Variants in DMD observed in about 807,000 individuals in gnomAD.
DMD encodes mutant dystrophin.
A neutral mutation model predicts 330.1 loss-of-function variants in DMD; 63 were observed. That is an observed-to-expected ratio of 0.19 (90% CI 0.16 to 0.24). The LOEUF is 0.24. Ranked by LOEUF, DMD falls within the 10% of genes least tolerant of loss-of-function variation. The pLI is 1.00. For synonymous variants in DMD, 1,223 were observed against 959.8 expected (o/e 1.27, Z -5.07); for missense variants, 3,344 against 2,684.1 (o/e 1.25, Z -5.43).
At chrX:32,664,238 GTTT>G (rs59135933) in intron 9 of DMD, among the ~76,000 whole-genome samples, 1,406 of 86,835 alleles carry the variant, frequency 0.016, 35 homozygotes, top group African/African-American at 0.059. Context: ...CCTGGCATAG[GTTT>G]TTTTTTTTTT....
intron 11 of DMD, among the ~76,000 whole-genome samples, chrX:32,614,915 C>A (rs1191637952): frequency 1.8e-5 from 2 of 110,259 alleles, no homozygotes; most frequent in Non-Finnish European, 3.8e-5. Context: ...TAACTGACAC[C>A]ACACCAATTC....
intron 4 of DMD, among the ~76,000 whole-genome samples, chrX:32,841,351 AAATGG>A (rs1360937355): frequency 8.9e-6 from 1 of 112,197 alleles, no homozygotes; most frequent in Admixed American, 9.5e-5. Flanking sequence ...ATGTACATGT[AAATGG>A]AAAAGATTAC....
chrX:32,688,185 C>A (rs2063019056), intron 9 of DMD, among the ~76,000 whole-genome samples: 1 of 110,669 alleles, frequency 9.0e-6, no homozygotes, highest in African/African-American at 3.3e-5. Context: ...ACCGACAAAT[C>A]CCATAAAATG....
At chrX:31,750,311 T>C (rs1355989101) in intron 51 of DMD, among the ~76,000 whole-genome samples, 4 of 106,431 alleles carry the variant, frequency 3.8e-5, no homozygotes, top group African/African-American at 1.4e-4. Flanking sequence ...CATCTTGAAT[T>C]GATTTTTGTA....
chrX:31,438,088 T>C (rs749169538), intron 60 of DMD, among the ~76,000 whole-genome samples: 3 of 110,122 alleles, frequency 2.7e-5, no homozygotes, highest in African/African-American at 9.9e-5. Flanking sequence ...ACAGTTTCCC[T>C]TCATCCTCCA....
In DMD at chrX:31,554,893, A is replaced by C. The variant is rs2074711474; in HGVS notation, c.8218-47440T>G. The stretch of plus-strand genomic sequence containing the variant: ...TGAAGTAGCACATTGAAGGTGCAGG[A>C]GATCCGGTTTGGGATGTTCAGGAAT... On this transcript the variant is annotated intron_variant, in intron 55 of 78. Transcript: ENST00000357033. Among the ~76,000 whole-genome samples the C allele has an allele frequency of 2.7e-5, 3 of 111,991 alleles. No homozygotes were observed. The South Asian group carries it at 1.1e-3, about 42-fold the overall frequency.
At chrX:33,295,716 G>A (rs750077949) in intron 1 of DMD, among the ~76,000 whole-genome samples, 1 of 111,067 alleles carries the variant, frequency 9.0e-6, no homozygotes, top group Non-Finnish European at 1.9e-5. Flanking sequence ...TGACAATTGC[G>A]GTGTGCAATA....
At chrX:33,070,673 CTATATATATATATATATA>C (rs59422325) in intron 1 of DMD, among the ~76,000 whole-genome samples, 375 of 35,657 alleles carry the variant, frequency 0.011, 6 homozygotes, top group African/African-American at 0.046. Context: ...CTCTCTCTCT[CTATATATATATATATATA>C]TATATATATA....
At position 32,342,221 on chromosome X, in the gene DMD, T is replaced by A. The variant is rs878854620; in HGVS notation, c.5801A>T (p.Glu1934Val). The change falls in exon 41 of 79, where the codon GAG becomes GTG. Residue 1934 changes from glutamate to valine, a missense_variant. By Grantham distance (121) the Glu-to-Val change is moderately radical. Transcript: ENST00000357033. ...TGCGGCCCCATCCTCAGACAAGCCC[T>A]CAGCTTGCCTACGCACTGCATTCAG... ...EELNAVRRQA[E>V]GLSEDGAAMA... The A allele has an allele frequency of 6.6e-6, 8 of 1,211,426 alleles. No homozygotes were observed. The highest frequency in any genetic ancestry group is 7.8e-6 in the Non-Finnish European group (7 of 895,332).
At chrX:31,438,515 A>G (rs2064705213) in intron 60 of DMD, among the ~76,000 whole-genome samples, 1 of 112,101 alleles carries the variant, frequency 8.9e-6, no homozygotes, top group East Asian at 2.8e-4. Flanking sequence ...CCACTAATGT[A>G]GGAAAACATA....
At chrX:32,238,611 A>T (rs180949816) in intron 43 of DMD, among the ~76,000 whole-genome samples, 1 of 112,275 alleles carries the variant, frequency 8.9e-6, no homozygotes, top group Admixed American at 9.4e-5. Flanking sequence ...TGACAGGGAC[A>T]TTTAGCTGTA....
chrX:31,554,842 T>C (rs964502184), intron 55 of DMD, among the ~76,000 whole-genome samples: 1 of 111,747 alleles, frequency 8.9e-6, no homozygotes, highest in African/African-American at 3.3e-5. Context: ...TGAAATACCA[T>C]ATGGCAAAGG....
intron 44 of DMD, among the ~76,000 whole-genome samples, chrX:32,095,375 T>G (rs2096498352): frequency 8.9e-6 from 1 of 111,943 alleles, no homozygotes; most frequent in South Asian, 3.7e-4. Flanking sequence ...CAAGTTTTCA[T>G]TGATAAAATT....
chrX:31,530,647 CTTT>C (rs1192286078), intron 55 of DMD, among the ~76,000 whole-genome samples: 2 of 49,845 alleles, frequency 4.0e-5, no homozygotes, highest in Admixed American at 2.6e-4. Context: ...ACTGGTTTCT[CTTT>C]TTTTTTTTTT....
At chrX:32,487,014 C>A (rs2042548447) in intron 20 of DMD, among the ~76,000 whole-genome samples, 1 of 111,005 alleles carries the variant, frequency 9.0e-6, no homozygotes. Flanking sequence ...TCTAATTAAA[C>A]TAAAGAGCTT....
At chrX:32,680,072 C>T (rs1754974129) in intron 9 of DMD, among the ~76,000 whole-genome samples, 1 of 107,360 alleles carries the variant, frequency 9.3e-6, no homozygotes, top group African/African-American at 3.4e-5. Context: ...TGCCACCACA[C>T]CTGGCTGATT....
At chrX:32,581,414 G>A (rs1415360216) in intron 13 of DMD, among the ~76,000 whole-genome samples, 1 of 111,705 alleles carries the variant, frequency 9.0e-6, no homozygotes, top group Non-Finnish European at 1.9e-5. Flanking sequence ...TCTCTAGAGA[G>A]GTTAGAAATT....
intron 2 of DMD, among the ~76,000 whole-genome samples, chrX:32,963,489 G>T (rs1415149305): frequency 8.9e-6 from 1 of 111,974 alleles, no homozygotes; most frequent in Non-Finnish European, 1.9e-5. Context: ...TTACAGTAAG[G>T]AGGAGGTCTA....
chrX:32,776,636 G>A (rs2074176400), intron 7 of DMD, among the ~76,000 whole-genome samples: 1 of 110,748 alleles, frequency 9.0e-6, no homozygotes, highest in Non-Finnish European at 1.9e-5. Flanking sequence ...GAAGAGCATG[G>A]GGACAACCGC....
Sources: gnomAD v4.1 joint callset for allele counts (sites outside exome capture counted in the v4.1 genomes callset) on GRCh38, gnomAD v4.1.1 for gene constraint, MANE v1.5 for transcripts, NCBI Gene and HGNC (gene_info 2026-07-23, HGNC 2026-07-21) for gene names.